The following SEMA3C variants were observed in gnomAD, a reference collection of about 807,000 sequenced individuals.
SEMA3C encodes semaphorin-3C.
Under a neutral mutation model 89.4 loss-of-function variants are expected in SEMA3C, and 47 were observed. The ratio of observed to expected loss-of-function variants is 0.53; its 90% CI spans 0.42 to 0.67. The LOEUF (loss-of-function observed/expected upper bound fraction) is 0.67. SEMA3C is among the 30% of genes least tolerant of loss of function. The pLI, the probability that SEMA3C is intolerant of heterozygous loss-of-function variation, is 0.00. For synonymous variants in SEMA3C, 310 were observed against 320.2 expected, an observed-to-expected ratio of 0.97 and a Z score of 0.34; for missense variants, 839 against 929.1, an observed-to-expected ratio of 0.90 and a Z score of 1.26.
chr7:80,747,696 T>A (rs1013739786), intron 17 of SEMA3C, among the ~76,000 whole-genome samples: 22 of 152,162 alleles, frequency 1.4e-4, no homozygotes, highest in Non-Finnish European at 4.4e-5. Context: ...AGAAAAGAGA[T>A]CTCAAATAAA....
intron 8 of SEMA3C, among the ~76,000 whole-genome samples, chr7:80,803,076 T>C (rs1042856225): frequency 1.3e-5 from 2 of 152,196 alleles, no homozygotes; most frequent in East Asian, 1.9e-4. Flanking sequence ...TATAATGTTA[T>C]AGAAAATAGA....
At chr7:80,840,911 C>G (rs1224959275) in intron 2 of SEMA3C, among the ~76,000 whole-genome samples, 1 of 152,046 alleles carries the variant, frequency 6.6e-6, no homozygotes, top group Non-Finnish European at 1.5e-5. Flanking sequence ...AAACTTTGAC[C>G]TGAAGGATAA....
At chr7:80,895,087 C>G (rs536912451) in intron 2 of SEMA3C, among the ~76,000 whole-genome samples, 3 of 152,328 alleles carry the variant, frequency 2.0e-5, no homozygotes, top group Non-Finnish European at 4.4e-5. Flanking sequence ...TTTATCCCCA[C>G]ACACACGTGA....
In SEMA3C at chr7:80,828,737, C is replaced by G. The variant is rs773089363; in HGVS notation, c.112G>C (p.Glu38Gln). Residue 38 changes from glutamate to glutamine, a missense_variant, in exon 3 of 18, where the codon GAA (glutamate) becomes CAA (glutamine). Coordinates refer to ENST00000265361, the MANE Select transcript of SEMA3C (RefSeq NM_006379.5). ...RVYLTFDELR[E>Q]TKTSEYFSLS... ...CTGAAGTATTCAGAGGTCTTGGTTTCTCGAAGTTCTGAAAGAGTGAACAGC... is the reference window on the plus strand; with the variant it reads ...CTGAAGTATTCAGAGGTCTTGGTTTGTCGAAGTTCTGAAAGAGTGAACAGC... 3.1e-6 allele frequency: 5 copies of G among 1,604,114 alleles called. No individual in the cohort carries two copies. Among genetic ancestry groups the G allele is most frequent in the Admixed American group, 1.7e-5 (1 of 59,648 alleles).
upstream of SEMA3C, among the ~76,000 whole-genome samples, chr7:80,919,575 TTG>T (rs1554395549): frequency 6.7e-5 from 10 of 149,720 alleles, no homozygotes; most frequent in East Asian, 2.0e-3. Context: ...TTTTTGTTTT[TTG>T]TTTTTTGTTT....
chr7:80,760,026 T>C (rs1210900844), intron 14 of SEMA3C, among the ~76,000 whole-genome samples: 4 of 152,046 alleles, frequency 2.6e-5, no homozygotes, highest in African/African-American at 7.2e-5. Context: ...AAAGAACAAA[T>C]TAAAAAATAA....
chr7:80,790,582 T>C (rs909221454), intron 11 of SEMA3C, among the ~76,000 whole-genome samples: 30 of 152,146 alleles, frequency 2.0e-4, no homozygotes, highest in Admixed American at 1.5e-3. Flanking sequence ...TCCAGGATCT[T>C]AGCACCTGCT....
intron 2 of SEMA3C, among the ~76,000 whole-genome samples, chr7:80,870,529 G>T (rs1008595055): frequency 3.3e-5 from 5 of 152,108 alleles, no homozygotes; most frequent in African/African-American, 1.2e-4. Context: ...CTACCATAAC[G>T]ACAAACACTA....
chr7:80,875,795 A>G (rs572778914), intron 2 of SEMA3C, among the ~76,000 whole-genome samples: 1 of 152,134 alleles, frequency 6.6e-6, no homozygotes, highest in South Asian at 2.1e-4. Flanking sequence ...GATGCAGGCA[A>G]TGTGGATATG....
chr7:80,893,590 G>A (rs17154583), intron 2 of SEMA3C, among the ~76,000 whole-genome samples: 20,976 of 151,990 alleles, frequency 0.14, 2,616 homozygotes, highest in African/African-American at 0.33. Flanking sequence ...ATGTCTGTTC[G>A]ATACAAAAGA....
chr7:80,829,810 C>T (rs776940273), intron 2 of SEMA3C, among the ~76,000 whole-genome samples: 15 of 152,096 alleles, frequency 9.9e-5, no homozygotes, highest in East Asian at 1.9e-4. Flanking sequence ...TAACTTTAGA[C>T]TTTTCTATTC....
intron 11 of SEMA3C, among the ~76,000 whole-genome samples, chr7:80,794,946 T>C (rs1320357971): frequency 6.6e-6 from 1 of 152,166 alleles, no homozygotes; most frequent in African/African-American, 2.4e-5. Flanking sequence ...AACCGTGTTT[T>C]AAAAGAAGCA....
chr7:80,751,381 C>A (rs762477820), intron 15 of SEMA3C, 45 bp from the exon 16 acceptor site: 3 of 1,475,528 alleles, frequency 2.0e-6, no homozygotes, highest in Non-Finnish European at 2.8e-6. Context: ...ATTATCACTG[C>A]CAATTACACC....
At chr7:80,897,021 G>A (rs1791754815) in intron 2 of SEMA3C, among the ~76,000 whole-genome samples, 1 of 152,196 alleles carries the variant, frequency 6.6e-6, no homozygotes. Flanking sequence ...GGGGCAGGTA[G>A]GCGCCGGAGA....
chr7:80,860,985 G>C (rs1790757642), intron 2 of SEMA3C, among the ~76,000 whole-genome samples: 1 of 152,094 alleles, frequency 6.6e-6, no homozygotes, highest in Non-Finnish European at 1.5e-5. Context: ...TAAATCAAAG[G>C]CATATTGAAA....
At chr7:80,810,812 G>A (rs1789451300) in intron 5 of SEMA3C, 111 bp from the exon 6 acceptor site, 1 of 761,304 alleles carries the variant, frequency 1.3e-6, no homozygotes, top group Non-Finnish European at 2.2e-6. Flanking sequence ...CTAGTTGGTT[G>A]CTTATTATGC....
intron 2 of SEMA3C, among the ~76,000 whole-genome samples, chr7:80,855,145 CTATAAG>C (rs2115957955): frequency 6.6e-6 from 1 of 152,124 alleles, no homozygotes; most frequent in African/African-American, 2.4e-5. Flanking sequence ...AATGAAAAGA[CTATAAG>C]TTATTATCCA....
At chr7:80,906,025 A>T in intron 2 of SEMA3C, 2 of 486,570 alleles carry the variant, frequency 4.1e-6, no homozygotes, top group Non-Finnish European at 7.0e-6. Context: ...AAAGAAGGAG[A>T]GACAGATGGA....
intron 2 of SEMA3C, among the ~76,000 whole-genome samples, chr7:80,905,507 T>C (rs1036666238): frequency 1.9e-4 from 29 of 152,106 alleles, no homozygotes; most frequent in African/African-American, 7.0e-4. Context: ...TGTTGGGAAT[T>C]TGGAGGTAAA....
Sources: allele counts gnomAD v4.1 joint callset (sites outside exome capture counted in the v4.1 genomes callset), GRCh38; gene constraint gnomAD v4.1.1; transcripts MANE v1.5; gene names NCBI Gene and HGNC (gene_info 2026-07-23, HGNC 2026-07-21).